PIEZO2: variants seen among roughly 807,000 people sequenced by gnomAD.
PIEZO2 encodes piezo type mechanosensitive ion channel component 2, also known as piezo-type mechanosensitive ion channel component 2.
A neutral mutation model predicts 337.3 loss-of-function variants in PIEZO2; 172 were observed. The observed-to-expected ratio is 0.51, with a 90% CI of 0.45 to 0.58. The LOEUF is 0.58. PIEZO2 is among the 20% of genes least tolerant of loss of function. The probability of loss-of-function intolerance (pLI) is 0.00; values close to 1 mark genes in which losing one functional copy is unlikely to be tolerated. For synonymous variants in PIEZO2, 1,251 were observed against 1,228.5 expected, an observed-to-expected ratio of 1.02 and a Z score of -0.38; for missense variants, 3,028 against 3,391.3, an observed-to-expected ratio of 0.89 and a Z score of 2.66.
chr18:10,737,000 A>G (rs987620041), intron 33 of PIEZO2, among the ~76,000 whole-genome samples: 1 of 152,174 alleles, frequency 6.6e-6, no homozygotes, highest in Non-Finnish European at 1.5e-5. Context: ...TAAAATTTAC[A>G]TAGATGAAGC....
chr18:11,026,639 G>C (rs2036551129), intron 2 of PIEZO2, among the ~76,000 whole-genome samples: 1 of 152,182 alleles, frequency 6.6e-6, no homozygotes, highest in Non-Finnish European at 1.5e-5. Context: ...AGCCTTGCTG[G>C]GCTGCTCCCT....
intron 4 of PIEZO2, among the ~76,000 whole-genome samples, chr18:10,906,749 C>G (rs570653730): frequency 6.6e-6 from 1 of 151,938 alleles, no homozygotes; most frequent in South Asian, 2.1e-4. Flanking sequence ...TTAGTAGACA[C>G]GAGGTTTCAC....
chr18:10,839,657 G>A (rs1004973622), intron 7 of PIEZO2, among the ~76,000 whole-genome samples: 1 of 152,328 alleles, frequency 6.6e-6, no homozygotes, highest in African/African-American at 2.4e-5. Flanking sequence ...CATGGAGGCT[G>A]CTCACTGAAC....
intron 36 of PIEZO2, among the ~76,000 whole-genome samples, chr18:10,731,083 T>C (rs987872709): frequency 6.6e-6 from 1 of 150,872 alleles, no homozygotes; most frequent in African/African-American, 2.4e-5. Context: ...TAGTATTTCT[T>C]TTTTTTTATT....
rs35909559 is a variant in PIEZO2, at chr18:11,031,166, ATT to A, written c.160+34959_160+34960del. Among the ~76,000 whole-genome samples the A allele has an allele frequency of 1.9e-4, 26 of 140,202 alleles. No homozygotes were observed. Among genetic ancestry groups the A allele is most frequent in the Admixed American group, 3.6e-4 (5 of 14,020 alleles). 92.0% of individuals were successfully genotyped at this position (140,202 alleles called of 152,430 possible). The stretch of plus-strand genomic sequence containing the variant: ...CACCATGCCTGGCTAATTTTTTTGT[ATT>A]TTTTTTTTTTTTAGTGGAGATGGGA... On this transcript the variant is annotated intron_variant, in intron 2 of 55. Transcript: ENST00000674853. The surrounding 1 kb of genome is among the most constrained non-coding windows in gnomAD (Gnocchi z 4.7).
rs1429755734 is a variant in PIEZO2, at chr18:10,762,618, T to C, written c.3131A>G (p.Glu1044Gly). 3.3e-6 allele frequency: 5 copies of C among 1,536,634 alleles called. No homozygotes were observed. The highest frequency in any genetic ancestry group is 4.4e-6 in the Non-Finnish European group (5 of 1,146,778). Residue 1044 changes from glutamate (E) to glycine (G), a missense_variant, in exon 23 of 56, where the codon GAA (glutamate) becomes GGA (glycine). By Grantham distance (98) the Glu-to-Gly change is moderately conservative (BLOSUM62 -2). This residue lies in a region of PIEZO2 where 1,925 missense variants were observed against 2,051.9 expected (regional missense o/e 0.94). Coordinates refer to ENST00000674853, the MANE Select transcript of PIEZO2 (RefSeq NM_001378183.1). ...NFSVNCSLPN[E>G]NQTNIPFNEL... ...ATTAAAGGGGATGTTTGTTTGATTTTCATTTGGCTAAAAAGAAGAGAAAAT... is the reference window on the plus strand; with the variant it reads ...ATTAAAGGGGATGTTTGTTTGATTTCCATTTGGCTAAAAAGAAGAGAAAAT...
At chr18:11,137,455 G>C (rs1434453754) in intron 1 of PIEZO2, among the ~76,000 whole-genome samples, 1 of 152,170 alleles carries the variant, frequency 6.6e-6, no homozygotes, top group Non-Finnish European at 1.5e-5. Context: ...TCTTAGCCTT[G>C]AACACCTCAT....
At position 11,097,382 on chromosome 18, in the gene PIEZO2, G is replaced by C. The variant is rs968667034; in HGVS notation, c.65-31160C>G. On this transcript the variant is annotated intron_variant, in intron 1 of 55. Coordinates refer to ENST00000674853, the MANE Select transcript of PIEZO2 (RefSeq NM_001378183.1). The surrounding 1 kb of genome is among the most constrained non-coding windows in gnomAD (Gnocchi z 5.0). ...AAAGTCTCACGACTGCAACAGAGCCGGCGTGCTGTGCAACGCCTGACTCAT... is the reference window on the plus strand; with the variant it reads ...AAAGTCTCACGACTGCAACAGAGCCCGCGTGCTGTGCAACGCCTGACTCAT... 6.6e-6 allele frequency among the ~76,000 whole-genome samples: 1 copy of C among 152,146 alleles called. No homozygotes were observed. Among genetic ancestry groups the C allele is most frequent in the Non-Finnish European group, 1.5e-5 (1 of 68,022 alleles).
intron 1 of PIEZO2, among the ~76,000 whole-genome samples, chr18:11,100,418 A>T (rs1297408012): frequency 6.6e-6 from 1 of 152,248 alleles, no homozygotes; most frequent in African/African-American, 2.4e-5. Flanking sequence ...CACTAAAGTG[A>T]TGATGGAGAA....
intron 1 of PIEZO2, among the ~76,000 whole-genome samples, chr18:11,068,084 C>T (rs1472404947): frequency 6.6e-6 from 1 of 152,154 alleles, no homozygotes; most frequent in Non-Finnish European, 1.5e-5. Context: ...ACACGCCCAG[C>T]TAATTTTTCA....
chr18:10,749,395 C>T (rs1385147126), intron 29 of PIEZO2, among the ~76,000 whole-genome samples: 1 of 152,058 alleles, frequency 6.6e-6, no homozygotes, highest in Non-Finnish European at 1.5e-5. Context: ...CCTAGGAGTT[C>T]AAGGTTACAG....
At chr18:10,693,472 C>T (rs967157617) in intron 47 of PIEZO2, among the ~76,000 whole-genome samples, 3 of 151,714 alleles carry the variant, frequency 2.0e-5, no homozygotes, top group East Asian at 3.9e-4. Context: ...AGGGTTCAAG[C>T]GATTCTCCTG....
At chr18:11,005,656 C>T (rs2035693499) in intron 2 of PIEZO2, among the ~76,000 whole-genome samples, 2 of 152,212 alleles carry the variant, frequency 1.3e-5, no homozygotes, top group South Asian at 4.1e-4. Context: ...CGTGAGAGGC[C>T]CAGCTTAGCT....
At chr18:10,987,630 G>C (rs1202709187) in intron 2 of PIEZO2, among the ~76,000 whole-genome samples, 2 of 152,138 alleles carry the variant, frequency 1.3e-5, no homozygotes, top group African/African-American at 2.4e-5. Flanking sequence ...CCTTGACATT[G>C]GTTTTGGCAA....
chr18:10,695,133 CTT>C (rs1166538747), intron 47 of PIEZO2, among the ~76,000 whole-genome samples: 2 of 152,268 alleles, frequency 1.3e-5, no homozygotes, highest in Non-Finnish European at 2.9e-5. Context: ...TAAAACTCCA[CTT>C]TGTTTTTCTT....
chr18:10,941,130 T>G (rs2032702045), intron 3 of PIEZO2, among the ~76,000 whole-genome samples: 2 of 152,038 alleles, frequency 1.3e-5, no homozygotes, highest in South Asian at 4.2e-4. Flanking sequence ...CTAGACACCC[T>G]AAACAATTAT....
At chr18:10,829,007 G>A (rs188160498) in intron 7 of PIEZO2, among the ~76,000 whole-genome samples, 46 of 152,174 alleles carry the variant, frequency 3.0e-4, no homozygotes, top group African/African-American at 1.1e-3. Context: ...CAAGTGGTGG[G>A]CATTCCCTTA....
rs1197856065 is a variant in PIEZO2, at chr18:10,824,315, C to T, written c.918-17041G>A. 6.6e-6 allele frequency among the ~76,000 whole-genome samples: 1 copy of T among 152,104 alleles called. No homozygotes were observed. Among genetic ancestry groups the T allele is most frequent in the Non-Finnish European group, 1.5e-5 (1 of 68,012 alleles). On this transcript the variant is annotated intron_variant, in intron 7 of 55. Transcript: ENST00000674853. The surrounding 1 kb of genome is among the most constrained non-coding windows in gnomAD (Gnocchi z 4.4). Reference sequence around the variant, plus strand: ...AAGGTGATATAAAGGCCTTCAAGACCTTAATATTTGCAGAGCCTTGGTTTC... The same window carrying T: ...AAGGTGATATAAAGGCCTTCAAGACTTTAATATTTGCAGAGCCTTGGTTTC...
intron 3 of PIEZO2, among the ~76,000 whole-genome samples, chr18:10,957,089 A>C (rs1024936294): frequency 6.6e-5 from 10 of 151,820 alleles, no homozygotes; most frequent in Admixed American, 3.3e-4. Context: ...TGGGGAAAGG[A>C]CAGTCTCCTC....
Sources: allele counts gnomAD v4.1 joint callset (sites outside exome capture counted in the v4.1 genomes callset), GRCh38; gene constraint gnomAD v4.1.1; regional missense constraint gnomAD v4.1.1; non-coding constraint Gnocchi (gnomAD v3.1); transcripts MANE v1.5; gene names NCBI Gene and HGNC (gene_info 2026-07-23, HGNC 2026-07-21).